The following DPF3 variants were observed in gnomAD, a reference collection of about 807,000 sequenced individuals.
The protein encoded by DPF3 is zinc finger protein DPF3.
A neutral mutation model predicts 56.8 loss-of-function variants in DPF3; 18 were observed. That is an observed-to-expected ratio of 0.32 (90% confidence interval 0.22 to 0.47). DPF3 has a LOEUF of 0.47. Ranked by LOEUF, DPF3 falls within the 20% of genes least tolerant of loss-of-function variation. The probability of loss-of-function intolerance (pLI) is 1.00; values close to 1 mark genes in which losing one functional copy is unlikely to be tolerated. For synonymous variants in DPF3, 188 were observed against 180.2 expected (o/e 1.04, Z -0.35); for missense variants, 403 against 488.8 (o/e 0.82, Z 1.65).
At chr14:72,622,674 G>A (rs1354706630) in intron 9 of DPF3, among the ~76,000 whole-genome samples, 2 of 151,660 alleles carry the variant, frequency 1.3e-5, no homozygotes, top group Non-Finnish European at 2.9e-5. Context: ...ACCACCAAGA[G>A]CCCCCAGCTT....
intron 1 of DPF3, among the ~76,000 whole-genome samples, chr14:72,776,221 T>C (rs1054505492): frequency 3.9e-5 from 6 of 152,098 alleles, no homozygotes; most frequent in African/African-American, 1.4e-4. Context: ...TAGAGGAAGC[T>C]GGCACAAGGC....
chr14:72,734,078 GCCATAGGACCA>G (rs1230163546), intron 3 of DPF3, among the ~76,000 whole-genome samples: 5 of 152,180 alleles, frequency 3.3e-5, no homozygotes, highest in Admixed American at 2.0e-4. Flanking sequence ...CTGAGCACCT[GCCATAGGACCA>G]CCACTGTGCT....
At chr14:72,807,870 C>G (rs1311977470) in intron 1 of DPF3, among the ~76,000 whole-genome samples, 1 of 152,156 alleles carries the variant, frequency 6.6e-6, no homozygotes, top group African/African-American at 2.4e-5. Context: ...GAGGCTGAGG[C>G]AGGAAGATCA....
intron 1 of DPF3, among the ~76,000 whole-genome samples, chr14:72,823,740 T>C (rs1294731363): frequency 6.6e-6 from 1 of 152,214 alleles, no homozygotes; most frequent in Non-Finnish European, 1.5e-5. Flanking sequence ...AGTGTTTTAA[T>C]GTGTTAAAAA....
At chr14:72,849,788 T>C (rs1884901175) in intron 1 of DPF3, among the ~76,000 whole-genome samples, 2 of 152,144 alleles carry the variant, frequency 1.3e-5, no homozygotes, top group South Asian at 4.1e-4. Context: ...CTGGGATTGC[T>C]TTCTGGTTGT....
At chr14:72,841,005 T>C (rs1884522877) in intron 1 of DPF3, among the ~76,000 whole-genome samples, 1 of 152,224 alleles carries the variant, frequency 6.6e-6, no homozygotes, top group Non-Finnish European at 1.5e-5. Context: ...CTGCATCAAG[T>C]CAATTCTGCA....
intron 4 of DPF3, among the ~76,000 whole-genome samples, chr14:72,730,834 T>C (rs561575332): frequency 1.7e-4 from 26 of 152,308 alleles, no homozygotes; most frequent in African/African-American, 6.3e-4. Flanking sequence ...GCAAACATTG[T>C]ATTAGACAAT....
chr14:72,688,485 G>C (rs750573320), intron 7 of DPF3, among the ~76,000 whole-genome samples: 7 of 152,134 alleles, frequency 4.6e-5, no homozygotes, highest in Admixed American at 2.6e-4. Context: ...CCACTGTGCA[G>C]AGAAGGTAAA....
At chr14:72,855,241 G>A (rs1599498535) in intron 1 of DPF3, among the ~76,000 whole-genome samples, 3 of 152,134 alleles carry the variant, frequency 2.0e-5, no homozygotes, top group South Asian at 4.1e-4. Context: ...TGAGATGAAC[G>A]AAATGAAACC....
chr14:72,845,948 C>A (rs760695971), intron 1 of DPF3, among the ~76,000 whole-genome samples: 1 of 152,062 alleles, frequency 6.6e-6, no homozygotes, highest in Non-Finnish European at 1.5e-5. Flanking sequence ...ACATTTTTCT[C>A]CTCTTGCTGA....
chr14:72,673,156 T>C (rs1886765179), intron 8 of DPF3, among the ~76,000 whole-genome samples: 1 of 152,106 alleles, frequency 6.6e-6, no homozygotes, highest in East Asian at 1.9e-4. Flanking sequence ...TAAACAGCCC[T>C]ACCATCAAAA....
chr14:72,818,568 A>T (rs972242511), intron 1 of DPF3, among the ~76,000 whole-genome samples: 1 of 152,206 alleles, frequency 6.6e-6, no homozygotes, highest in Non-Finnish European at 1.5e-5. Flanking sequence ...TCCCAGCTAC[A>T]TCGCAGGCTG....
chr14:72,829,805 G>A (rs931703413), intron 1 of DPF3, among the ~76,000 whole-genome samples: 16 of 150,722 alleles, frequency 1.1e-4, no homozygotes, highest in South Asian at 8.5e-4. Flanking sequence ...GTGCAGTGGC[G>A]TGATCTCTGC....
intron 1 of DPF3, among the ~76,000 whole-genome samples, chr14:72,788,955 G>A (rs1351844092): frequency 6.6e-6 from 1 of 152,190 alleles, no homozygotes; most frequent in Non-Finnish European, 1.5e-5. Flanking sequence ...ACCTGGTTAG[G>A]ATTAATTTTA....
At chr14:72,891,297 A>G (rs1886741897) in intron 1 of DPF3, among the ~76,000 whole-genome samples, 1 of 137,672 alleles carries the variant, frequency 7.3e-6, no homozygotes, top group Admixed American at 8.0e-5. Context: ...TCTGTAGGAG[A>G]CGTCCGTGGT....
rs2153565404 is a variant in DPF3 at position 72,616,582 on chromosome 14, T to A, written c.*2715A>T. Among the ~76,000 whole-genome samples, 1 of 152,304 alleles carries A rather than the reference T, an allele frequency of 6.6e-6. No individual in the cohort carries two copies. Among genetic ancestry groups the A allele is most frequent in the East Asian group, 1.9e-4 (1 of 5,184 alleles). On this transcript the variant is annotated 3_prime_UTR_variant, in exon 11 of 11. Coordinates refer to ENST00000556509, the MANE Select transcript of DPF3 (RefSeq NM_001280542.3). ...CTCTGCAGTGCTTGTTTATGTAACA[T>A]GATGCTTAAGAGTCCCAGTGTCACT...
intron 8 of DPF3, chr14:72,670,948 T>A (rs886766383): frequency 8.7e-7 from 1 of 1,146,454 alleles, no homozygotes; most frequent in Middle Eastern, 3.5e-4. Flanking sequence ...TGTGCTTCTG[T>A]TGTACATACC....
intron 1 of DPF3, chr14:72,879,708 G>A: frequency 7.1e-7 from 1 of 1,407,900 alleles, no homozygotes; most frequent in Non-Finnish European, 9.4e-7. Flanking sequence ...CAGACACCAG[G>A]GGAATGTGTG....
rs1387465188 is a variant in DPF3 at position 72,614,596 on chromosome 14, C to T, written c.*4701G>A. Among the ~76,000 whole-genome samples the T allele has an allele frequency of 6.6e-6, 1 of 152,024 alleles. No homozygotes were observed. Among genetic ancestry groups the T allele is most frequent in the Admixed American group, 6.5e-5 (1 of 15,286 alleles). ...GCATGATCCAGCCCTCCCTCACTGCCTTCTCTCCCCAGCTGGGTGAGGGGC... is the reference window on the plus strand; with the variant it reads ...GCATGATCCAGCCCTCCCTCACTGCTTTCTCTCCCCAGCTGGGTGAGGGGC... On this transcript the variant is annotated 3_prime_UTR_variant, in exon 11 of 11. Coordinates refer to ENST00000556509, the MANE Select transcript of DPF3 (RefSeq NM_001280542.3).
Sources: allele counts gnomAD v4.1 joint callset (sites outside exome capture counted in the v4.1 genomes callset), GRCh38; gene constraint gnomAD v4.1.1; transcripts MANE v1.5; gene names NCBI Gene and HGNC (gene_info 2026-07-23, HGNC 2026-07-21).